The following EXOC4 variants were observed in gnomAD, a reference collection of about 807,000 sequenced individuals.
EXOC4 encodes SEC8-like 1.
Under a neutral mutation model 107.2 loss-of-function variants are expected in EXOC4, and 71 were observed. The observed-to-expected ratio is 0.66, with a 90% CI of 0.55 to 0.81. The LOEUF is 0.81. Among genes scored for constraint, EXOC4 ranks in the 30% least tolerant of loss-of-function variants. EXOC4 has a pLI of 0.00. For synonymous variants in EXOC4, 456 were observed against 441.2 expected (o/e 1.03, Z -0.42); for missense variants, 1,108 against 1,189.6 (o/e 0.93, Z 1.01).
At chr7:133,777,837 A>G (rs1436614100) in intron 10 of EXOC4, among the ~76,000 whole-genome samples, 1 of 152,206 alleles carries the variant, frequency 6.6e-6, no homozygotes, top group African/African-American at 2.4e-5. Flanking sequence ...AAGTTATTAG[A>G]AAATCCTCTG....
At chr7:133,855,042 T>TATATATATCTAA (rs1554409707) in intron 11 of EXOC4, among the ~76,000 whole-genome samples, 83 of 75,680 alleles carry the variant, frequency 1.1e-3, no homozygotes, top group Non-Finnish European at 1.5e-3. Flanking sequence ...TCTAAATATA[T>TATATATATCTAA]ATATATCTAA....
chr7:134,039,055 A>G (rs562479337), intron 17 of EXOC4, among the ~76,000 whole-genome samples: 22 of 152,304 alleles, frequency 1.4e-4, no homozygotes, highest in African/African-American at 5.3e-4. Flanking sequence ...ACTCACCTTT[A>G]CTTTGTTCCC....
chr7:133,843,575 T>C (rs1021487750), intron 11 of EXOC4, among the ~76,000 whole-genome samples: 3 of 152,198 alleles, frequency 2.0e-5, no homozygotes, highest in Admixed American at 6.5e-5. Flanking sequence ...GGGCAGAGAC[T>C]GGAATTTTCT....
intron 13 of EXOC4, among the ~76,000 whole-genome samples, chr7:133,934,719 A>AT (rs1166148842): frequency 6.6e-6 from 1 of 152,102 alleles, no homozygotes; most frequent in Non-Finnish European, 1.5e-5. Context: ...GCTCAGAGGC[A>AT]TTTTTTGTGT....
chr7:133,310,977 G>A (rs1253341595), intron 4 of EXOC4, among the ~76,000 whole-genome samples: 1 of 152,198 alleles, frequency 6.6e-6, no homozygotes, highest in African/African-American at 2.4e-5. Context: ...AGGCACTTAC[G>A]TATAAAGAAG....
At chr7:133,608,648 C>T (rs903137255) in intron 9 of EXOC4, among the ~76,000 whole-genome samples, 1 of 140,170 alleles carries the variant, frequency 7.1e-6, no homozygotes, top group African/African-American at 2.7e-5. Flanking sequence ...CTCCCTGGTT[C>T]AAGCGATTCT....
intron 7 of EXOC4, among the ~76,000 whole-genome samples, chr7:133,448,871 G>A (rs754619722): frequency 3.1e-4 from 47 of 152,236 alleles, no homozygotes; most frequent in East Asian, 1.7e-3. Flanking sequence ...TTGGGAGGCC[G>A]AGGTGGGTGG....
At chr7:133,631,661 G>C (rs536416333) in intron 10 of EXOC4, among the ~76,000 whole-genome samples, 1 of 152,160 alleles carries the variant, frequency 6.6e-6, no homozygotes, top group African/African-American at 2.4e-5. Context: ...AAGAGGTTAA[G>C]AGAATTAAAA....
At chr7:133,682,956 G>A (rs974710917) in intron 10 of EXOC4, among the ~76,000 whole-genome samples, 14 of 152,152 alleles carry the variant, frequency 9.2e-5, no homozygotes, top group Non-Finnish European at 1.8e-4. Flanking sequence ...ACCATGAAAT[G>A]CTTTTCTTTA....
chr7:133,913,978 A>T (rs1361773993), intron 12 of EXOC4, among the ~76,000 whole-genome samples: 1 of 152,218 alleles, frequency 6.6e-6, no homozygotes, highest in African/African-American at 2.4e-5. Flanking sequence ...TAGTATTTCA[A>T]GAAGAGAGTA....
rs564528574 is a variant in EXOC4, at chr7:134,024,437, TG to T, written c.2687+16603del. ...CTGCACTCTAGCCTGGGTTACAGAG[TG>T]AGACTCCATCTCAAAAAAAAAAAAG... On this transcript the variant is annotated intron_variant, in intron 17 of 17. Coordinates refer to ENST00000253861, the MANE Select transcript of EXOC4 (RefSeq NM_021807.4). Among the ~76,000 whole-genome samples, 14 of 143,964 alleles carry T rather than the reference TG, an allele frequency of 9.7e-5. 1 individual carries two copies. In the South Asian group the frequency reaches 2.5e-3, roughly 26 times the overall value. The allele number at this position is 143,964 out of a possible 152,430, so 94.4% of individuals were successfully genotyped here. A position where few individuals can be genotyped will look rare whatever the true frequency, so the allele number is the denominator to read the frequency against.
intron 5 of EXOC4, among the ~76,000 whole-genome samples, chr7:133,337,760 A>C (rs1795553540): frequency 6.6e-6 from 1 of 150,710 alleles, no homozygotes; most frequent in African/African-American, 2.4e-5. Flanking sequence ...CAGCCTCCCA[A>C]GTAGCTGGGA....
chr7:133,659,774 A>G (rs1244724064), intron 10 of EXOC4, among the ~76,000 whole-genome samples: 1 of 152,212 alleles, frequency 6.6e-6, no homozygotes, highest in Admixed American at 6.5e-5. Flanking sequence ...TACACTAAGG[A>G]AAGGCTAACA....
At chr7:133,938,547 T>G (rs1362852564) in intron 14 of EXOC4, among the ~76,000 whole-genome samples, 3 of 152,026 alleles carry the variant, frequency 2.0e-5, no homozygotes, top group African/African-American at 7.2e-5. Flanking sequence ...AAGACAACAA[T>G]TATTCTGGAA....
rs192671606 is a variant in EXOC4 at position 133,758,960 on chromosome 7, T to G, written c.1515-58365T>G. ...TGCTTAAGGAAAAAAATGCTGAAAT[T>G]TTGAGGTGTCTCTAGAGGGTAAAGA... On this transcript the variant is annotated intron_variant, in intron 10 of 17. Coordinates refer to ENST00000253861, the MANE Select transcript of EXOC4 (RefSeq NM_021807.4). 2.0e-5 allele frequency among the ~76,000 whole-genome samples: 3 copies of G among 152,204 alleles called. No homozygotes were observed. The East Asian group carries it at 5.8e-4, about 29-fold the overall frequency.
intron 11 of EXOC4, among the ~76,000 whole-genome samples, chr7:133,828,387 T>C (rs1797745184): frequency 6.6e-6 from 1 of 152,140 alleles, no homozygotes; most frequent in African/African-American, 2.4e-5. Flanking sequence ...TTGCTGATCG[T>C]GCGAGATTAC....
chr7:133,865,478 C>T (rs370664660), intron 11 of EXOC4, among the ~76,000 whole-genome samples: 5 of 152,072 alleles, frequency 3.3e-5, no homozygotes, highest in East Asian at 1.9e-4. Flanking sequence ...TTTATTCCTC[C>T]GTAGAAACAC....
intron 8 of EXOC4, among the ~76,000 whole-genome samples, chr7:133,476,551 T>C (rs538401619): frequency 7.7e-4 from 117 of 152,312 alleles, no homozygotes; most frequent in South Asian, 6.6e-3. Flanking sequence ...TTATCTTAGA[T>C]TTTTAGTGTT....
intron 2 of EXOC4, among the ~76,000 whole-genome samples, chr7:133,284,532 T>C (rs1259385140): frequency 6.6e-6 from 1 of 152,112 alleles, no homozygotes; most frequent in Non-Finnish European, 1.5e-5. Context: ...TTTATTTTAT[T>C]TTATTTTATT....
Sources: allele counts gnomAD v4.1 joint callset (sites outside exome capture counted in the v4.1 genomes callset), GRCh38; gene constraint gnomAD v4.1.1; transcripts MANE v1.5; gene names NCBI Gene and HGNC (gene_info 2026-07-23, HGNC 2026-07-21).